The following ARMC3 variants were observed in gnomAD, a reference collection of about 807,000 sequenced individuals.
The protein encoded by ARMC3 is armadillo repeat containing 3, also known as armadillo repeat-containing protein 3.
A neutral mutation model predicts 90.3 loss-of-function variants in ARMC3; 74 were observed. That is an observed-to-expected ratio of 0.82 (90% CI 0.68 to 0.99). ARMC3 has a LOEUF of 0.99. ARMC3 is among the 50% of genes least tolerant of loss of function. The pLI is 0.00. For synonymous variants in ARMC3, 334 were observed against 361.8 expected, an observed-to-expected ratio of 0.92 and a Z score of 0.87; for missense variants, 958 against 1,042.8, an observed-to-expected ratio of 0.92 and a Z score of 1.12.
chr10:23,009,667 T>A (rs1268488776), intron 16 of ARMC3, among the ~76,000 whole-genome samples: 1 of 152,036 alleles, frequency 6.6e-6, no homozygotes, highest in African/African-American at 2.4e-5. Flanking sequence ...CTCGGCTAAT[T>A]TTTGTATTTT....
chr10:22,991,133 A>G (rs12763092), intron 10 of ARMC3, among the ~76,000 whole-genome samples: 8,096 of 152,316 alleles, frequency 0.053, 240 homozygotes, highest in African/African-American at 0.061. Flanking sequence ...TGAAAAATGT[A>G]AAAACTAATA....
In ARMC3 at chr10:23,031,192, C is replaced by A. The variant is rs573147133; in HGVS notation, c.2246+396C>A. 1.5e-4 allele frequency: 26 copies of A among 176,840 alleles called. No homozygotes were observed. In the East Asian group the frequency reaches 3.9e-3, roughly 26 times the overall value. 11.0% of individuals were successfully genotyped at this position (176,840 alleles called of 1,614,324 possible). A position where few individuals can be genotyped will look rare whatever the true frequency, so the allele number is the denominator to read the frequency against. Reference sequence around the variant, plus strand: ...TTGTAAACTGATAAATTTTCTAATACAAATGTCCAATGTCTCTTTTTCTGA... The same window carrying A: ...TTGTAAACTGATAAATTTTCTAATAAAAATGTCCAATGTCTCTTTTTCTGA... On this transcript the variant is annotated intron_variant, in intron 17 of 18. Coordinates refer to ENST00000298032, the MANE Select transcript of ARMC3 (RefSeq NM_173081.5).
At chr10:22,972,400 A>T (rs1162975432) in intron 8 of ARMC3, among the ~76,000 whole-genome samples, 2 of 152,146 alleles carry the variant, frequency 1.3e-5, no homozygotes, top group Non-Finnish European at 2.9e-5. Context: ...TTTCATGTAG[A>T]CATAAATTTT....
chr10:22,962,306 A>G (rs1835233988), intron 7 of ARMC3, among the ~76,000 whole-genome samples: 1 of 152,168 alleles, frequency 6.6e-6, no homozygotes, highest in Non-Finnish European at 1.5e-5. Flanking sequence ...ATTCTTGTCT[A>G]TGATCTTCCT....
chr10:22,943,027 A>G (rs576339798), intron 2 of ARMC3, among the ~76,000 whole-genome samples: 19 of 152,320 alleles, frequency 1.2e-4, no homozygotes, highest in African/African-American at 4.6e-4. Context: ...TTTAAAAGTC[A>G]GAATAATGGT....
chr10:22,942,774 A>T (rs1272211651), intron 2 of ARMC3, among the ~76,000 whole-genome samples: 9 of 152,244 alleles, frequency 5.9e-5, no homozygotes, highest in Admixed American at 5.9e-4. Context: ...CCACAAAAAG[A>T]CATGTAAAAG....
chr10:22,946,131 T>G lies in ARMC3; in HGVS notation c.49-13T>G. On this transcript the variant is annotated splice_polypyrimidine_tract_variant and intron_variant, in intron 2 of 18. Coordinates refer to ENST00000298032, the MANE Select transcript of ARMC3 (RefSeq NM_173081.5). Reference sequence around the variant, plus strand: ...TCATATGTGAAACTGATAGTTTTCTTTCTGCCTTTCAGTTTGACCCATTAA... The same window carrying G: ...TCATATGTGAAACTGATAGTTTTCTGTCTGCCTTTCAGTTTGACCCATTAA... The G allele has an allele frequency of 6.5e-7, 1 of 1,545,202 alleles. No individual in the cohort carries two copies. Among genetic ancestry groups the G allele is most frequent in the Non-Finnish European group, 8.9e-7 (1 of 1,127,714 alleles).
intron 16 of ARMC3, among the ~76,000 whole-genome samples, chr10:23,019,628 C>T (rs1838426444): frequency 6.6e-6 from 1 of 152,154 alleles, no homozygotes; most frequent in African/African-American, 2.4e-5. Context: ...ACTGCAACCT[C>T]CACTCACTGC....
chr10:22,971,597 C>T (rs1045212776), intron 8 of ARMC3, among the ~76,000 whole-genome samples: 1 of 151,930 alleles, frequency 6.6e-6, no homozygotes, highest in Non-Finnish European at 1.5e-5. Context: ...CGCACCACCA[C>T]ACCCAGCTAA....
At chr10:22,950,370 A>G (rs1834698323) in intron 3 of ARMC3, among the ~76,000 whole-genome samples, 1 of 152,152 alleles carries the variant, frequency 6.6e-6, no homozygotes, top group Non-Finnish European at 1.5e-5. Flanking sequence ...GAAGTATACT[A>G]TTGTTAGGAT....
intron 2 of ARMC3, among the ~76,000 whole-genome samples, chr10:22,938,382 A>C (rs1019065063): frequency 4.6e-5 from 7 of 152,218 alleles, no homozygotes; most frequent in Non-Finnish European, 7.3e-5. Context: ...CCTAAGGTGC[A>C]AAAAGGAGAA....
intron 16 of ARMC3, among the ~76,000 whole-genome samples, chr10:23,025,923 A>AAC (rs1485120327): frequency 5.3e-5 from 8 of 152,088 alleles, no homozygotes; most frequent in African/African-American, 1.9e-4. Context: ...ATAACCCCTC[A>AAC]ACACACAATA....
intron 2 of ARMC3, among the ~76,000 whole-genome samples, chr10:22,939,513 T>G (rs1056410487): frequency 2.0e-5 from 3 of 152,212 alleles, no homozygotes; most frequent in African/African-American, 7.2e-5. Flanking sequence ...CATGCGTTAA[T>G]AGTCGTGTGG....
chr10:22,974,049 C>T (rs1380408653), intron 8 of ARMC3, among the ~76,000 whole-genome samples: 3 of 152,068 alleles, frequency 2.0e-5, no homozygotes, highest in African/African-American at 7.2e-5. Context: ...TGAGCCACCG[C>T]GGTCGGCCTT....
chr10:23,030,211 TA>T lies in ARMC3; in HGVS notation c.2046-384del, dbSNP rs1322676637. ...TTGAAAACTTTACATATGTATAAAA[TA>T]CAGTCATTCCTCAGTATCCATGAGG... On this transcript the variant is annotated intron_variant, in intron 16 of 18. Transcript: ENST00000298032. Among the ~76,000 whole-genome samples the T allele has an allele frequency of 2.6e-5, 4 of 152,280 alleles. No homozygotes were observed. The East Asian group carries it at 7.7e-4, about 29-fold the overall frequency.
At chr10:22,936,192 C>T (rs944015395) in intron 2 of ARMC3, among the ~76,000 whole-genome samples, 3 of 152,108 alleles carry the variant, frequency 2.0e-5, no homozygotes, top group African/African-American at 7.2e-5. Flanking sequence ...GGCAGTGGGT[C>T]ACATCTGTAA....
chr10:22,982,445 G>A (rs1836236804), intron 10 of ARMC3, among the ~76,000 whole-genome samples: 1 of 152,192 alleles, frequency 6.6e-6, no homozygotes, highest in Non-Finnish European at 1.5e-5. Context: ...TTAAGGAATA[G>A]GAATGCCTTC....
At chr10:23,033,584 G>A (rs1839007566) in intron 18 of ARMC3, among the ~76,000 whole-genome samples, 2 of 152,202 alleles carry the variant, frequency 1.3e-5, no homozygotes, top group African/African-American at 4.8e-5. Flanking sequence ...AGGAAAAGAG[G>A]AGGGGCGAAT....
At chr10:23,013,162 A>G (rs10828396) in intron 16 of ARMC3, among the ~76,000 whole-genome samples, 89,959 of 151,544 alleles carry the variant, frequency 0.59, 28,689 homozygotes, top group Non-Finnish European at 0.72. Flanking sequence ...GCCTCCCAAA[A>G]TGCTGGGATT....
Sources: gnomAD v4.1 joint callset for allele counts (sites outside exome capture counted in the v4.1 genomes callset) on GRCh38, gnomAD v4.1.1 for gene constraint, MANE v1.5 for transcripts, NCBI Gene and HGNC (gene_info 2026-07-23, HGNC 2026-07-21) for gene names.